The following RAP1GAP2 variants were observed in gnomAD, a reference collection of about 807,000 sequenced individuals.
RAP1GAP2 encodes rap1 GTPase-activating protein 2.
A neutral mutation model predicts 95.0 loss-of-function variants in RAP1GAP2; 27 were observed. The ratio of observed to expected loss-of-function variants is 0.28; its 90% CI spans 0.21 to 0.39. RAP1GAP2 has a LOEUF of 0.39. Among genes scored for constraint, RAP1GAP2 ranks in the 10% least tolerant of loss-of-function variants. The pLI, the probability that RAP1GAP2 is intolerant of heterozygous loss-of-function variation, is 1.00. For synonymous variants in RAP1GAP2, 373 were observed against 380.9 expected, an observed-to-expected ratio of 0.98 and a Z score of 0.24; for missense variants, 771 against 970.0, an observed-to-expected ratio of 0.79 and a Z score of 2.72.
In RAP1GAP2 at chr17:2,885,426, A is replaced by G. The variant is rs1277400676; in HGVS notation, c.81-19858A>G. ...ACAGAGCCCCTGAGCACCTCAGTTC[A>G]TCCAGCACATAGTCCCTGCATGTCC... is the stretch of plus-strand genomic sequence containing the variant. On this transcript the variant is annotated intron_variant, in intron 2 of 24. Transcript: ENST00000254695. Among the ~76,000 whole-genome samples, 2 of 152,142 alleles carry G rather than the reference A, an allele frequency of 1.3e-5. 1 individual carries two copies. The highest frequency in any genetic ancestry group is 3.9e-4 in the East Asian group (2 of 5,186).
chr17:2,768,703 A>AAG (rs2068324026), intron 1 of RAP1GAP2, among the ~76,000 whole-genome samples: 1 of 151,498 alleles, frequency 6.6e-6, no homozygotes, highest in African/African-American at 2.4e-5. Flanking sequence ...AAAAAAAAAA[A>AAG]AAAAAAAGAG....
At chr17:2,912,452 A>G (rs997102091) in intron 3 of RAP1GAP2, among the ~76,000 whole-genome samples, 3 of 152,082 alleles carry the variant, frequency 2.0e-5, no homozygotes, top group Admixed American at 6.6e-5. Flanking sequence ...TCAGCCCCCC[A>G]TACATCCACC....
chr17:2,923,858 A>G (rs368990711), intron 3 of RAP1GAP2, among the ~76,000 whole-genome samples: 3 of 152,250 alleles, frequency 2.0e-5, no homozygotes, highest in African/African-American at 7.2e-5. Context: ...ACATCTTGGC[A>G]TCATACACAT....
intron 2 of RAP1GAP2, among the ~76,000 whole-genome samples, chr17:2,891,454 T>A (rs1209824639): frequency 6.6e-6 from 1 of 152,072 alleles, no homozygotes; most frequent in Non-Finnish European, 1.5e-5. Context: ...TTTTCTACTT[T>A]TATTTTTTTC....
At chr17:2,890,295 C>G (rs1293351136) in intron 2 of RAP1GAP2, among the ~76,000 whole-genome samples, 1 of 152,102 alleles carries the variant, frequency 6.6e-6, no homozygotes, top group Non-Finnish European at 1.5e-5. Flanking sequence ...TTGAATAGAC[C>G]AGGCAGATTT....
chr17:2,800,721 C>T (rs1489666469), intron 2 of RAP1GAP2, among the ~76,000 whole-genome samples, 171 bp downstream of exon 2: 1 of 152,108 alleles, frequency 6.6e-6, no homozygotes, highest in Non-Finnish European at 1.5e-5. Context: ...ACTCTTATTC[C>T]TGGGGTGTTC....
At chr17:2,878,103 A>G (rs992836362) in intron 2 of RAP1GAP2, among the ~76,000 whole-genome samples, 1 of 152,140 alleles carries the variant, frequency 6.6e-6, no homozygotes, top group African/African-American at 2.4e-5. Flanking sequence ...AGATGCGTAA[A>G]GGTGGGTCTG....
intron 1 of RAP1GAP2, among the ~76,000 whole-genome samples, chr17:2,761,424 G>A (rs1368724438): frequency 2.0e-5 from 3 of 151,768 alleles, no homozygotes; most frequent in African/African-American, 7.3e-5. Flanking sequence ...AAACAGCTGG[G>A]ATTACAGGCA....
chr17:3,017,959 G>A (rs924285367), intron 17 of RAP1GAP2, 102 bp from the exon 18 acceptor site: 39 of 1,121,600 alleles, frequency 3.5e-5, no homozygotes, highest in Admixed American at 5.2e-5. Context: ...ATGTGTGCAC[G>A]CATACGTGTG....
At chr17:2,956,696 T>G (rs1465088267) in intron 3 of RAP1GAP2, among the ~76,000 whole-genome samples, 1 of 152,188 alleles carries the variant, frequency 6.6e-6, no homozygotes, top group African/African-American at 2.4e-5. Flanking sequence ...GTGGCCTCTG[T>G]GTGTTTTGTT....
At chr17:2,799,665 T>C (rs2069197749) in intron 1 of RAP1GAP2, among the ~76,000 whole-genome samples, 1 of 152,156 alleles carries the variant, frequency 6.6e-6, no homozygotes, top group South Asian at 2.1e-4. Flanking sequence ...ATCGTGATGT[T>C]GCAAAGGCAG....
intron 13 of RAP1GAP2, 97 bp downstream of exon 13, chr17:2,995,563 T>G: frequency 4.0e-6 from 6 of 1,503,094 alleles, no homozygotes; most frequent in Non-Finnish European, 4.5e-6. Context: ...GTCCCCATAT[T>G]CGTTCCCGTA....
intron 3 of RAP1GAP2, among the ~76,000 whole-genome samples, chr17:2,912,929 G>A (rs1292657697): frequency 1.3e-5 from 2 of 152,198 alleles, no homozygotes; most frequent in African/African-American, 4.8e-5. Context: ...TGAAATCCCA[G>A]CATTTTGGGA....
intron 8 of RAP1GAP2, among the ~76,000 whole-genome samples, chr17:2,972,315 T>G (rs1463723228): frequency 1.3e-5 from 2 of 152,174 alleles, no homozygotes; most frequent in Admixed American, 6.5e-5. Flanking sequence ...TATGGAAAGC[T>G]TCCCAATTAA....
At position 2,755,754 on chromosome 17, in the gene RAP1GAP2, C is replaced by A. The variant is rs1246891339; in HGVS notation, c.37C>A (p.Gln13Lys). Residue 13 changes from glutamine to lysine, a missense_variant, in exon 1 of 26, where the codon CAG becomes AAG. Physicochemically the swap from Gln to Lys is moderately conservative, Grantham distance 53. Transcript: ENST00000637138. ...CCGGGCGCCGGGGGAGAAGCGCTGG[C>A]AGCTGGTGCGCTGGTGAGTGGGCGC... is the stretch of plus-strand genomic sequence containing the variant. 27 of 355,022 alleles carry A rather than the reference C, an allele frequency of 7.6e-5. 1 individual carries two copies. The highest frequency in any genetic ancestry group is 1.3e-4 in the Non-Finnish European group (26 of 197,612). 22.0% of individuals were successfully genotyped at this position (355,022 alleles called of 1,614,324 possible).
chr17:2,881,395 T>G (rs141334538), intron 2 of RAP1GAP2, among the ~76,000 whole-genome samples: 16 of 152,110 alleles, frequency 1.1e-4, no homozygotes, highest in Non-Finnish European at 2.2e-4. Flanking sequence ...GTAGATGGAA[T>G]CACACAGTAG....
intron 3 of RAP1GAP2, among the ~76,000 whole-genome samples, chr17:2,917,472 G>C (rs1443264736): frequency 2.6e-5 from 4 of 152,094 alleles, no homozygotes; most frequent in Non-Finnish European, 5.9e-5. Context: ...GTTTCTCCAT[G>C]TTGGTCAGGC....
intron 3 of RAP1GAP2, among the ~76,000 whole-genome samples, chr17:2,956,067 TTCTA>T (rs1471300947): frequency 6.6e-6 from 1 of 152,248 alleles, no homozygotes; most frequent in Non-Finnish European, 1.5e-5. Flanking sequence ...CTGTTCATCT[TTCTA>T]TCCGTATTGA....
chr17:2,981,122 C>A (rs2045341306), intron 9 of RAP1GAP2, 73 bp from the exon 10 acceptor site: 1 of 1,426,250 alleles, frequency 7.0e-7, no homozygotes, highest in Non-Finnish European at 9.8e-7. Context: ...GCCGCATTGT[C>A]CAGGTGGGCA....
Sources: gnomAD v4.1 joint callset for allele counts (sites outside exome capture counted in the v4.1 genomes callset) on GRCh38, gnomAD v4.1.1 for gene constraint, MANE v1.5 for transcripts, NCBI Gene and HGNC (gene_info 2026-07-23, HGNC 2026-07-21) for gene names.